The following ARHGAP42 variants were observed in gnomAD, a reference collection of about 807,000 sequenced individuals.
ARHGAP42 encodes rho GTPase-activating protein 42.
A neutral mutation model predicts 125.0 loss-of-function variants in ARHGAP42; 63 were observed. That is an observed-to-expected ratio of 0.50 (90% CI 0.41 to 0.62). The LOEUF is 0.62. Ranked by LOEUF, ARHGAP42 falls within the 20% of genes least tolerant of loss-of-function variation. The probability of loss-of-function intolerance (pLI) is 0.00; values close to 1 mark genes in which losing one functional copy is unlikely to be tolerated. For synonymous variants in ARHGAP42, 339 were observed against 351.0 expected (o/e 0.97, Z 0.38); for missense variants, 766 against 1,024.2 (o/e 0.75, Z 3.44).
chr11:100,861,479 C>T (rs1384291746), intron 4 of ARHGAP42, among the ~76,000 whole-genome samples: 1 of 152,092 alleles, frequency 6.6e-6, no homozygotes, highest in Non-Finnish European at 1.5e-5. Context: ...GGATAGGAGG[C>T]CAGACTACCT....
intron 5 of ARHGAP42, among the ~76,000 whole-genome samples, chr11:100,919,656 C>T (rs1008995352): frequency 5.3e-5 from 8 of 152,020 alleles, no homozygotes; most frequent in Admixed American, 4.6e-4. Context: ...CCCACGTTGG[C>T]CTCTCAAAGT....
intron 17 of ARHGAP42, 37 bp downstream of exon 17, chr11:100,965,813 G>C (rs566286333): frequency 2.0e-6 from 3 of 1,488,566 alleles, no homozygotes; most frequent in Middle Eastern, 3.4e-4. Context: ...TTAACTTATT[G>C]TTCATTGTTA....
chr11:100,911,661 C>T (rs1191319518), intron 4 of ARHGAP42, among the ~76,000 whole-genome samples: 1 of 152,040 alleles, frequency 6.6e-6, no homozygotes, highest in Non-Finnish European at 1.5e-5. Context: ...GTAACATCCA[C>T]CAAGCAAAAG....
intron 6 of ARHGAP42, among the ~76,000 whole-genome samples, chr11:100,932,305 C>G (rs1224012349): frequency 6.6e-6 from 1 of 152,198 alleles, no homozygotes; most frequent in East Asian, 1.9e-4. Context: ...TTATGAGTGA[C>G]TTTTCAAAAA....
At chr11:100,788,646 A>G (rs531115218) in intron 2 of ARHGAP42, among the ~76,000 whole-genome samples, 1 of 152,270 alleles carries the variant, frequency 6.6e-6, no homozygotes, top group South Asian at 2.1e-4. Flanking sequence ...TGCAGATAAA[A>G]CCAATATTGC....
chr11:100,762,970 A>AT (rs553749625), intron 1 of ARHGAP42, among the ~76,000 whole-genome samples: 1,009 of 84,982 alleles, frequency 0.012, 123 homozygotes, highest in African/African-American at 0.022. Context: ...GTTTATAGTG[A>AT]TTTTTTTTTT....
chr11:100,948,592 A>G (rs1013199718), intron 11 of ARHGAP42, 57 bp downstream of exon 11: 5 of 1,326,082 alleles, frequency 3.8e-6, no homozygotes, highest in Non-Finnish European at 5.2e-6. Context: ...ATTATAATGT[A>G]TGGAAATTCT....
chr11:100,941,283 C>T (rs1447497950), intron 8 of ARHGAP42, among the ~76,000 whole-genome samples: 1 of 152,142 alleles, frequency 6.6e-6, no homozygotes, highest in African/African-American at 2.4e-5. Context: ...GGAGGCCACT[C>T]ACTTGGAACC....
chr11:100,961,390 A>C (rs1248812008), intron 14 of ARHGAP42, among the ~76,000 whole-genome samples: 2 of 152,132 alleles, frequency 1.3e-5, no homozygotes, highest in African/African-American at 4.8e-5. Context: ...AGGATTGACT[A>C]TGTTAATCTC....
chr11:100,870,591 G>A (rs1865672934), intron 4 of ARHGAP42, among the ~76,000 whole-genome samples: 1 of 152,122 alleles, frequency 6.6e-6, no homozygotes, highest in Non-Finnish European at 1.5e-5. Flanking sequence ...GAAGCTATAT[G>A]TTATTTCTGC....
intron 22 of ARHGAP42, among the ~76,000 whole-genome samples, chr11:100,983,022 A>C (rs1470441890): frequency 6.6e-6 from 1 of 152,326 alleles, no homozygotes; most frequent in East Asian, 1.9e-4. Flanking sequence ...AGTAAGTTAA[A>C]ACCACTTATA....
chr11:100,814,205 A>G (rs1337877965), intron 3 of ARHGAP42, among the ~76,000 whole-genome samples: 1 of 151,912 alleles, frequency 6.6e-6, no homozygotes, highest in Non-Finnish European at 1.5e-5. Context: ...AAAAAAAAAA[A>G]TATTAGCTGG....
At chr11:100,735,069 G>T (rs1404932231) in intron 1 of ARHGAP42, among the ~76,000 whole-genome samples, 2 of 152,196 alleles carry the variant, frequency 1.3e-5, no homozygotes, top group Non-Finnish European at 2.9e-5. Context: ...GGTCTACTCA[G>T]CTTAGTTACC....
chr11:100,730,417 T>C (rs959230709), intron 1 of ARHGAP42, among the ~76,000 whole-genome samples: 2 of 152,234 alleles, frequency 1.3e-5, no homozygotes, highest in Non-Finnish European at 2.9e-5. Context: ...TGGGTGAATA[T>C]GGAGAAATCC....
At chr11:100,977,570 C>T (rs1858425127) in intron 21 of ARHGAP42, among the ~76,000 whole-genome samples, 1 of 152,170 alleles carries the variant, frequency 6.6e-6, no homozygotes, top group Non-Finnish European at 1.5e-5. Flanking sequence ...CAATGGAAAC[C>T]TGGCTAAACA....
At chr11:100,729,158 T>G (rs1411251699) in intron 1 of ARHGAP42, among the ~76,000 whole-genome samples, 1 of 152,168 alleles carries the variant, frequency 6.6e-6, no homozygotes, top group African/African-American at 2.4e-5. Flanking sequence ...CCATTTACTT[T>G]TAGGCTACTC....
intron 4 of ARHGAP42, among the ~76,000 whole-genome samples, chr11:100,890,092 T>G (rs1333993211): frequency 6.6e-6 from 1 of 152,164 alleles, no homozygotes; most frequent in Non-Finnish European, 1.5e-5. Flanking sequence ...TAGCTGAGGC[T>G]TAGAGGAACT....
At chr11:100,846,356 T>C (rs1326054133) in intron 3 of ARHGAP42, among the ~76,000 whole-genome samples, 1 of 152,156 alleles carries the variant, frequency 6.6e-6, no homozygotes. Flanking sequence ...GGATAGAGCA[T>C]TGTTTGAGAC....
intron 22 of ARHGAP42, 146 bp from the exon 23 acceptor site, chr11:100,987,367 G>A: frequency 3.2e-6 from 2 of 634,248 alleles, no homozygotes; most frequent in Non-Finnish European, 5.6e-6. Flanking sequence ...AGTGCAAAAA[G>A]CACCGATGTA....
Sources: allele counts gnomAD v4.1 joint callset (sites outside exome capture counted in the v4.1 genomes callset), GRCh38; gene constraint gnomAD v4.1.1; transcripts MANE v1.5; gene names NCBI Gene and HGNC (gene_info 2026-07-23, HGNC 2026-07-21).